The following MBNL1 variants were observed in gnomAD, a reference collection of about 807,000 sequenced individuals.
MBNL1 encodes muscleblind-like protein 1.
MBNL1 carries 8 observed loss-of-function variants against 42.2 expected under a neutral mutation model. The ratio of observed to expected loss-of-function variants is 0.19; its 90% CI spans 0.11 to 0.34. MBNL1 has a LOEUF of 0.34. Ranked by LOEUF, MBNL1 falls within the 10% of genes least tolerant of loss-of-function variation. MBNL1 has a pLI of 1.00. For synonymous variants in MBNL1, 169 were observed against 173.9 expected, an observed-to-expected ratio of 0.97 and a Z score of 0.22; for missense variants, 309 against 495.3, an observed-to-expected ratio of 0.62 and a Z score of 3.57.
At chr3:152,341,974 T>G (rs2093335790) in intron 2 of MBNL1, among the ~76,000 whole-genome samples, 1 of 152,194 alleles carries the variant, frequency 6.6e-6, no homozygotes, top group South Asian at 2.1e-4. Context: ...ATGTATGGAT[T>G]ACCTTTTACC....
intron 2 of MBNL1, among the ~76,000 whole-genome samples, chr3:152,392,690 T>C (rs2097771469): frequency 6.6e-6 from 1 of 152,146 alleles, no homozygotes; most frequent in Non-Finnish European, 1.5e-5. Context: ...TGAGCCATAG[T>C]CTCCAGATGG....
intron 6 of MBNL1, chr3:152,449,170 AG>A (rs1319508360): frequency 6.6e-6 from 1 of 152,220 alleles, no homozygotes; most frequent in African/African-American, 2.4e-5. Context: ...CAAAGTTTCA[AG>A]GGATTATATG....
chr3:152,283,408 C>A (rs1281763302), intron 1 of MBNL1, among the ~76,000 whole-genome samples: 1 of 152,062 alleles, frequency 6.6e-6, no homozygotes, highest in African/African-American at 2.4e-5. Flanking sequence ...TGTTTTTAAT[C>A]AATTAGAAGG....
intron 6 of MBNL1, among the ~76,000 whole-genome samples, chr3:152,455,118 A>G (rs1731013556): frequency 6.6e-6 from 1 of 152,088 alleles, no homozygotes; most frequent in African/African-American, 2.4e-5. Flanking sequence ...AAATATCTTT[A>G]GTAAGTTAAT....
intron 2 of MBNL1, among the ~76,000 whole-genome samples, chr3:152,399,034 T>A (rs146777610): frequency 1.3e-5 from 2 of 152,202 alleles, no homozygotes; most frequent in African/African-American, 4.8e-5. Flanking sequence ...GAATGTCTTT[T>A]GTGACACTCT....
At chr3:152,453,983 C>G (rs1230099722) in intron 6 of MBNL1, among the ~76,000 whole-genome samples, 1 of 152,146 alleles carries the variant, frequency 6.6e-6, no homozygotes, top group Non-Finnish European at 1.5e-5. Context: ...AATTCTCTCA[C>G]CCTACCATTA....
chr3:152,293,028 A>G lies in MBNL1; in HGVS notation c.-789-6377A>G, dbSNP rs558074787. ...AAGCAGTCCTCCACTTCAGCCTCCC[A>G]AAGTGTTGGATTACAGGCGTGAGCC... On this transcript the variant is annotated intron_variant, in intron 1 of 9. Transcript: ENST00000324210. Among the ~76,000 whole-genome samples, 6 of 152,286 alleles carry G rather than the reference A, an allele frequency of 3.9e-5. 1 individual carries two copies. Among genetic ancestry groups the G allele is most frequent in the African/African-American group, 7.2e-5 (3 of 41,560 alleles).
intron 5 of MBNL1, 56 bp from the exon 6 acceptor site, chr3:152,447,564 T>C: frequency 6.7e-7 from 1 of 1,497,870 alleles, no homozygotes; most frequent in South Asian, 1.2e-5. Flanking sequence ...CTGATTTTTC[T>C]TTTTTCTTTT....
At position 152,438,950 on chromosome 3, in the gene MBNL1, G is replaced by A. The variant is rs573287729; in HGVS notation, c.549+6030G>A. Among the ~76,000 whole-genome samples, 5 of 152,270 alleles carry A rather than the reference G, an allele frequency of 3.3e-5. No homozygotes were observed. In the South Asian group the frequency reaches 1.0e-3, roughly 32 times the overall value. The stretch of plus-strand genomic sequence containing the variant: ...TAAAAACCAGGGGACACGTATTCCA[G>A]ACACTGATGAAAACATTAGATTGAC... On this transcript the variant is annotated intron_variant, in intron 4 of 9. Coordinates refer to ENST00000324210, the MANE Select transcript of MBNL1 (RefSeq NM_021038.5).
chr3:152,436,570 GTTGA>G (rs1225794624), intron 4 of MBNL1, among the ~76,000 whole-genome samples: 6 of 152,166 alleles, frequency 3.9e-5, no homozygotes, highest in African/African-American at 4.8e-5. Flanking sequence ...ATGCATAATT[GTTGA>G]TTGATTAGTG....
At chr3:152,460,537 C>T (rs1195273198) in intron 9 of MBNL1, among the ~76,000 whole-genome samples, 14 of 150,148 alleles carry the variant, frequency 9.3e-5, no homozygotes, top group South Asian at 2.1e-4. Flanking sequence ...GTGGGTGCAG[C>T]GCACCAGCAT....
intron 2 of MBNL1, among the ~76,000 whole-genome samples, chr3:152,301,316 T>G (rs1277305412): frequency 2.6e-5 from 4 of 152,216 alleles, no homozygotes; most frequent in African/African-American, 9.6e-5. Flanking sequence ...CCTACTTGGT[T>G]TAATCAAATT....
In MBNL1 at chr3:152,444,693, C is replaced by T. The variant is rs115903310; in HGVS notation, c.550-589C>T. On this transcript the variant is annotated intron_variant, in intron 4 of 9. Transcript: ENST00000324210. ...CTTTAATCAAATTTTACCAATTGTC[C>T]TCCCAATATTCTTTCTGTGACTCCA... 7.2e-3 allele frequency among the ~76,000 whole-genome samples: 1,090 copies of T among 152,278 alleles called. 11 individuals carry two copies. The highest frequency in any genetic ancestry group is 0.025 in the African/African-American group (1,035 of 41,552).
intron 3 of MBNL1, among the ~76,000 whole-genome samples, chr3:152,420,449 C>T (rs896504192): frequency 6.6e-6 from 1 of 152,188 alleles, no homozygotes; most frequent in African/African-American, 2.4e-5. Context: ...TGTTCTGCAG[C>T]CTCTGCTAGT....
chr3:152,312,060 C>T (rs1471947328), intron 2 of MBNL1, among the ~76,000 whole-genome samples: 1 of 151,012 alleles, frequency 6.6e-6, no homozygotes, highest in African/African-American at 2.4e-5. Flanking sequence ...GGCGTAGTGG[C>T]GGGCGCCTGT....
intron 2 of MBNL1, among the ~76,000 whole-genome samples, chr3:152,335,822 C>T (rs867804173): frequency 2.6e-5 from 4 of 152,118 alleles, no homozygotes; most frequent in African/African-American, 7.2e-5. Flanking sequence ...CCCATAAAAA[C>T]GGTAAGAGCT....
chr3:152,445,407 C>G lies in MBNL1; in HGVS notation c.675C>G (p.Ile225Met), dbSNP rs1432271452. The change falls in exon 5 of 10, where the codon ATC becomes ATG. Residue 225 changes from isoleucine to methionine, a missense_variant. Transcript: ENST00000324210. Reference sequence around the variant, plus strand: ...CAGTCACTGTGTGTATGGATTACATCAAAGGGAGATGCTCTCGGGAAAAGT... The same window carrying G: ...CAGTCACTGTGTGTATGGATTACATGAAAGGGAGATGCTCTCGGGAAAAGT... ...DNTVTVCMDY[I>M]KGRCSREKCK... 1.9e-6 allele frequency: 3 copies of G among 1,613,768 alleles called. No homozygotes were observed. Among genetic ancestry groups the G allele is most frequent in the Non-Finnish European group, 2.5e-6 (3 of 1,179,862 alleles).
intron 6 of MBNL1, among the ~76,000 whole-genome samples, chr3:152,449,118 C>T (rs114980979): frequency 1.5e-3 from 225 of 152,244 alleles, no homozygotes; most frequent in Non-Finnish European, 2.5e-3. Flanking sequence ...ATTTTCGCTG[C>T]CCCCAACAAA....
At chr3:152,356,285 T>A (rs1485060885) in intron 2 of MBNL1, among the ~76,000 whole-genome samples, 2 of 151,908 alleles carry the variant, frequency 1.3e-5, no homozygotes, top group Admixed American at 1.3e-4. Context: ...TTCCTGAGAT[T>A]GACTAGAATT....
Sources: allele counts gnomAD v4.1 joint callset (sites outside exome capture counted in the v4.1 genomes callset), GRCh38; gene constraint gnomAD v4.1.1; transcripts MANE v1.5; gene names NCBI Gene and HGNC (gene_info 2026-07-23, HGNC 2026-07-21).